ALK: variants seen among roughly 807,000 people sequenced by gnomAD.
ALK encodes ALK receptor tyrosine kinase.
In ALK, 74 loss-of-function variants were observed where a neutral mutation model predicts 163.1. That is an observed-to-expected ratio of 0.45 (90% CI 0.38 to 0.55). The LOEUF is 0.55. Among genes scored for constraint, ALK ranks in the 20% least tolerant of loss-of-function variants. The pLI is 0.00. For synonymous variants in ALK, 960 were observed against 843.2 expected (o/e 1.14, Z -2.40); for missense variants, 2,063 against 2,105.3 (o/e 0.98, Z 0.39).
At chr2:29,353,932 G>C (rs74685557) in intron 5 of ALK, among the ~76,000 whole-genome samples, 3,830 of 152,280 alleles carry the variant, frequency 0.025, 172 homozygotes, top group African/African-American at 0.087. Flanking sequence ...CTCAAAGGTA[G>C]GAAGATAAAT....
At chr2:29,879,904 C>T (rs1666812932) in intron 1 of ALK, among the ~76,000 whole-genome samples, 1 of 152,214 alleles carries the variant, frequency 6.6e-6, no homozygotes, top group Non-Finnish European at 1.5e-5. Flanking sequence ...GAAAGGCCGC[C>T]TGAATTATTT....
intron 3 of ALK, among the ~76,000 whole-genome samples, chr2:29,667,340 T>C (rs1310256997): frequency 6.6e-6 from 1 of 152,106 alleles, no homozygotes; most frequent in African/African-American, 2.4e-5. Context: ...GGCCAGGACC[T>C]CCAGTGTTAT....
intron 9 of ALK, among the ~76,000 whole-genome samples, chr2:29,284,144 G>A (rs910439468): frequency 1.3e-5 from 2 of 152,212 alleles, no homozygotes; most frequent in Non-Finnish European, 2.9e-5. Flanking sequence ...AACTATGGGC[G>A]AAACTCTCAC....
At chr2:29,259,030 T>C (rs1404302116) in intron 11 of ALK, among the ~76,000 whole-genome samples, 1 of 152,224 alleles carries the variant, frequency 6.6e-6, no homozygotes, top group Non-Finnish European at 1.5e-5. Context: ...CATGAGTTCA[T>C]ATTGATATTT....
At position 29,227,726 on chromosome 2, in the gene ALK, A is replaced by AACAC; in HGVS notation, c.2816-58_2816-55dup. The AACAC allele has an allele frequency of 7.2e-7, 1 of 1,388,310 alleles. No individual in the cohort carries two copies. Among genetic ancestry groups the AACAC allele is most frequent in the South Asian group, 1.2e-5 (1 of 86,304 alleles). 86.0% of individuals were successfully genotyped at this position (1,388,310 alleles called of 1,614,324 possible). A position where few individuals can be genotyped will look rare whatever the true frequency, so the allele number is the denominator to read the frequency against. On this transcript the variant is annotated intron_variant, in intron 16 of 28. Coordinates refer to ENST00000389048, the MANE Select transcript of ALK (RefSeq NM_004304.5). This position sits in a 1 kb window ranked among gnomAD's most constrained non-coding sequence, Gnocchi z 4.4. The stretch of plus-strand genomic sequence containing the variant: ...CATGGGGGGTGGGTGCCAAAATCTT[A>AACAC]ACACACACACACGTCAGTGGGGCAT...
At chr2:29,906,602 T>C (rs538485328) in intron 1 of ALK, among the ~76,000 whole-genome samples, 48 of 152,288 alleles carry the variant, frequency 3.2e-4, no homozygotes, top group South Asian at 1.0e-3. Flanking sequence ...AGAGAGATCA[T>C]AGATGTGGAG....
At chr2:29,889,844 A>G (rs563126271) in intron 1 of ALK, among the ~76,000 whole-genome samples, 2 of 152,140 alleles carry the variant, frequency 1.3e-5, no homozygotes, top group East Asian at 1.9e-4. Context: ...ATGACTGTGT[A>G]GTCATTTCAT....
rs540358052 is a variant in ALK at position 29,250,348 on chromosome 2, G to A, written c.2204+757C>T. ...CTGGCCTTGCCTAGTCATAGAGCTC[G>A]TTTGGGGGCCACCCAGGTTTATTTA... On this transcript the variant is annotated intron_variant, in intron 12 of 28. Coordinates refer to ENST00000389048, the MANE Select transcript of ALK (RefSeq NM_004304.5). 7.2e-5 allele frequency among the ~76,000 whole-genome samples: 11 copies of A among 152,322 alleles called. No homozygotes were observed. In the South Asian group the frequency reaches 2.1e-3, roughly 29 times the overall value.
intron 4 of ALK, among the ~76,000 whole-genome samples, chr2:29,529,067 G>A (rs1291132864): frequency 6.6e-6 from 1 of 152,154 alleles, no homozygotes; most frequent in African/African-American, 2.4e-5. Context: ...CAGCTGCTGT[G>A]CTTCTCCAAC....
intron 11 of ALK, among the ~76,000 whole-genome samples, chr2:29,253,887 GATA>G (rs1558639953): frequency 6.0e-4 from 85 of 142,582 alleles, no homozygotes; most frequent in African/African-American, 2.4e-3. Context: ...TAGATAGATA[GATA>G]GATAGGTAGA....
chr2:29,885,462 A>G (rs1666963678), intron 1 of ALK, among the ~76,000 whole-genome samples: 1 of 152,150 alleles, frequency 6.6e-6, no homozygotes, highest in South Asian at 2.1e-4. Flanking sequence ...CAAGCCCAAA[A>G]CAATCAATTC....
intron 4 of ALK, among the ~76,000 whole-genome samples, chr2:29,477,629 G>A (rs920016780): frequency 4.6e-5 from 7 of 152,086 alleles, no homozygotes; most frequent in Non-Finnish European, 8.8e-5. Context: ...AGATCTTCTT[G>A]TCCTGGGACA....
rs115000787 is a variant in ALK, at chr2:29,523,696, C to G, written c.1154+8219G>C. On this transcript the variant is annotated intron_variant, in intron 4 of 28. Transcript: ENST00000389048. Reference sequence around the variant, plus strand: ...GGGATTGGCCAAGATGCCATTCTGACAAGCACGGGGTTACAGGTATTCACA... The same window carrying G: ...GGGATTGGCCAAGATGCCATTCTGAGAAGCACGGGGTTACAGGTATTCACA... 6.9e-3 allele frequency among the ~76,000 whole-genome samples: 1,053 copies of G among 152,136 alleles called. 6 individuals are homozygous for G. The highest frequency in any genetic ancestry group is 0.024 in the African/African-American group (1,010 of 41,488).
chr2:29,305,151 A>C (rs1305290674), intron 8 of ALK, among the ~76,000 whole-genome samples: 1 of 152,222 alleles, frequency 6.6e-6, no homozygotes, highest in East Asian at 1.9e-4. Context: ...GTAAGAGGCA[A>C]TTCTTAATAA....
chr2:29,371,204 G>T (rs867258927), intron 5 of ALK, among the ~76,000 whole-genome samples: 1 of 152,190 alleles, frequency 6.6e-6, no homozygotes, highest in Non-Finnish European at 1.5e-5. Context: ...ATCTCAACCA[G>T]AAGGGCAAAA....
At chr2:29,641,283 AC>A (rs1237996524) in intron 3 of ALK, among the ~76,000 whole-genome samples, 9 of 152,270 alleles carry the variant, frequency 5.9e-5, no homozygotes, top group African/African-American at 2.2e-4. Context: ...CAGGGAGGCC[AC>A]AGTCTTTCAA....
At chr2:29,261,583 A>G (rs563563721) in intron 11 of ALK, among the ~76,000 whole-genome samples, 107 of 152,246 alleles carry the variant, frequency 7.0e-4, no homozygotes, top group African/African-American at 2.5e-3. Context: ...CCTCAGGGAC[A>G]TCTCCAATGA....
chr2:29,204,848 C>CAAAG (rs1443952472), intron 26 of ALK, among the ~76,000 whole-genome samples: 3 of 152,226 alleles, frequency 2.0e-5, no homozygotes, highest in African/African-American at 7.2e-5. Flanking sequence ...CTTGGCCTCC[C>CAAAG]AAAGAGCTGG....
chr2:29,476,647 T>G (rs904663589), intron 4 of ALK, among the ~76,000 whole-genome samples: 19 of 151,934 alleles, frequency 1.3e-4, no homozygotes, highest in African/African-American at 4.6e-4. Context: ...AGGAGGGCTG[T>G]GCTTCCCCGA....
Sources: gnomAD v4.1 joint callset for allele counts (sites outside exome capture counted in the v4.1 genomes callset) on GRCh38, gnomAD v4.1.1 for gene constraint, Gnocchi (gnomAD v3.1) non-coding constraint, MANE v1.5 for transcripts, NCBI Gene and HGNC (gene_info 2026-07-23, HGNC 2026-07-21) for gene names.